Variants in MADD observed in about 807,000 individuals in gnomAD.
MADD encodes the protein MAP kinase activating death domain.
A neutral mutation model predicts 176.7 loss-of-function variants in MADD; 109 were observed. That is an observed-to-expected ratio of 0.62 (90% CI 0.53 to 0.72). MADD has a LOEUF of 0.72. Ranked by LOEUF, MADD falls within the 30% of genes least tolerant of loss-of-function variation. The pLI is 0.00. For missense variants in MADD, 1,914 were observed against 2,045.5 expected, an observed-to-expected ratio of 0.94 and a Z score of 1.24; for synonymous variants, 771 against 771.3, an observed-to-expected ratio of 1.00 and a Z score of 0.01.
chr11:47,294,429 C>T (rs1022239088), intron 20 of MADD, among the ~76,000 whole-genome samples: 12 of 151,418 alleles, frequency 7.9e-5, no homozygotes, highest in South Asian at 2.1e-4. Flanking sequence ...TTTGGGAGGC[C>T]GAGGCAGGTG....
At position 47,325,883 on chromosome 11, in the gene MADD, C is replaced by T. The variant is rs894450605; in HGVS notation, c.4543-855C>T. 6.6e-6 allele frequency among the ~76,000 whole-genome samples: 1 copy of T among 152,214 alleles called. No individual in the cohort carries two copies. The highest frequency in any genetic ancestry group is 1.5e-5 in the Non-Finnish European group (1 of 68,042). On this transcript the variant is annotated intron_variant, in intron 30 of 32. Transcript: ENST00000402192. This position sits in a 1 kb window ranked among gnomAD's most constrained non-coding sequence, Gnocchi z 4.5. The stretch of plus-strand genomic sequence containing the variant: ...GGCTTGGCCCCTAGAAGATAGACTG[C>T]AGAGAAGGGGAGGAAAGCCCGGGTT...
chr11:47,301,677 TTTG>T (rs2140079712), intron 22 of MADD, among the ~76,000 whole-genome samples: 1 of 152,364 alleles, frequency 6.6e-6, no homozygotes, highest in East Asian at 1.9e-4. Flanking sequence ...TCTTAATTTC[TTTG>T]TTGACCCATT....
In MADD at chr11:47,311,685, G is replaced by A. The variant is rs370811356; in HGVS notation, c.3979-47G>A. 6.2e-5 allele frequency: 72 copies of A among 1,166,352 alleles called. 1 individual carries two copies. Among genetic ancestry groups the A allele is most frequent in the Middle Eastern group, 1.9e-4 (1 of 5,174 alleles). 72.3% of individuals were successfully genotyped at this position (1,166,352 alleles called of 1,614,324 possible). On this transcript the variant is annotated intron_variant, in intron 25 of 32. Transcript: ENST00000402192. The stretch of plus-strand genomic sequence containing the variant: ...ACATTCTCTTTTCTCTACCTCAGTC[G>A]GGAGGAGAGCAGATCCCTTGTTAAG...
chr11:47,277,389 T>C (rs900589187), intron 5 of MADD, among the ~76,000 whole-genome samples: 3 of 152,156 alleles, frequency 2.0e-5, no homozygotes, highest in Non-Finnish European at 2.9e-5. Flanking sequence ...GCCTTCCAGG[T>C]TCAAGTGATT....
At chr11:47,290,376 C>A in intron 18 of MADD, 77 bp downstream of exon 19, 1 of 1,540,296 alleles carries the variant, frequency 6.5e-7, no homozygotes, top group South Asian at 1.2e-5. Flanking sequence ...TATATGTGTA[C>A]CCAGGACACG....
intron 1 of MADD, chr11:47,270,512 G>C (rs1960059337): frequency 6.8e-6 from 1 of 147,776 alleles, no homozygotes. Flanking sequence ...CGGGGGCGGG[G>C]GCGGGGGAGA....
intron 16 of MADD, 58 bp from the exon 18 acceptor site, chr11:47,289,809 G>T (rs760327876): frequency 6.3e-7 from 1 of 1,584,132 alleles, no homozygotes; most frequent in Non-Finnish European, 8.6e-7. Flanking sequence ...TGGGTGAAAG[G>T]TGGGGGGTGC....
intron 19 of MADD, 39 bp downstream of exon 21, chr11:47,292,635 A>G (rs368994085): frequency 1.2e-6 from 2 of 1,604,970 alleles, no homozygotes; most frequent in Admixed American, 1.7e-5. Flanking sequence ...CAAGTCCTCC[A>G]TACCTGCCAA....
intron 1 of MADD, chr11:47,272,417 A>G (rs765465550): frequency 1.3e-5 from 2 of 152,230 alleles, no homozygotes; most frequent in Non-Finnish European, 2.9e-5. Flanking sequence ...TTAAGCATCC[A>G]GGGAGTGTGT....
At chr11:47,299,171 T>G (rs1308321443) in intron 22 of MADD, among the ~76,000 whole-genome samples, 1 of 152,188 alleles carries the variant, frequency 6.6e-6, no homozygotes, top group Non-Finnish European at 1.5e-5. Context: ...TGGTTCCATA[T>G]GAATTTTAGG....
intron 22 of MADD, among the ~76,000 whole-genome samples, chr11:47,303,168 A>G (rs2079303895): frequency 6.6e-6 from 1 of 151,700 alleles, no homozygotes; most frequent in African/African-American, 2.4e-5. Context: ...CTGGCTTGTA[A>G]AGTTTCTGCA....
chr11:47,312,466 G>A (rs2090222744), intron 26 of MADD, among the ~76,000 whole-genome samples: 2 of 152,108 alleles, frequency 1.3e-5, no homozygotes, highest in South Asian at 4.1e-4. Context: ...CTCTCTTGTT[G>A]CCCAGACTGG....
chr11:47,276,745 C>A, exon 5 of MADD: 1 of 1,614,146 alleles, frequency 6.2e-7, no homozygotes. Flanking sequence ...GTGCTACAGT[C>A]CCGAGACTAC....
chr11:47,326,399 A>G, intron 30 of MADD, 145 bp from the exon 34 acceptor site: 1 of 364,232 alleles, frequency 2.7e-6, no homozygotes, highest in Non-Finnish European at 4.2e-6. Context: ...CTGAGTGGGG[A>G]CCCCTGGGGC....
At chr11:47,303,843 A>C (rs1489818690) in intron 22 of MADD, among the ~76,000 whole-genome samples, 1 of 146,200 alleles carries the variant, frequency 6.8e-6, no homozygotes, top group Non-Finnish European at 1.5e-5. Flanking sequence ...CCTGACTTCA[A>C]ATGATCTGCC....
In MADD at chr11:47,285,685, G is replaced by A. The variant is rs920350077; in HGVS notation, c.2551+95G>A. The A allele has an allele frequency of 3.9e-6, 6 of 1,550,296 alleles. No homozygotes were observed. The South Asian group carries it at 5.9e-5, about 15-fold the overall frequency. On this transcript the variant is annotated intron_variant, in intron 14 of 32. Coordinates refer to ENST00000402192, the Ensembl canonical transcript of MADD. ...AATGTTGCTTAGAACTTCACATGTA[G>A]GGCTAGGTTGGCATTAGCAAGCCCT...
Position 47,324,838 on chromosome 11 carries a change from C to A in MADD, c.4542+261C>A, listed in dbSNP as rs527629219. 20 of 643,604 alleles carry A rather than the reference C, an allele frequency of 3.1e-5. No homozygotes were observed. In the South Asian group the frequency reaches 3.5e-4, roughly 11 times the overall value. The allele number at this position is 643,604 out of a possible 1,614,324, so 39.9% of individuals were successfully genotyped here. A position where few individuals can be genotyped will look rare whatever the true frequency, so the allele number is the denominator to read the frequency against. On this transcript the variant is annotated intron_variant, in intron 30 of 32. Coordinates refer to ENST00000402192, the Ensembl canonical transcript of MADD. ...GGCCAGGTGGCCACGCTGCCCCATC[C>A]GTTGGACTCCACACAGTGTGAGTGG...
At chr11:47,289,687 G>T (rs2063572986) in intron 16 of MADD, among the ~76,000 whole-genome samples, 180 bp from the exon 18 acceptor site, 1 of 152,194 alleles carries the variant, frequency 6.6e-6, no homozygotes, top group African/African-American at 2.4e-5. Context: ...GGGTTAATCA[G>T]CAGCGGTGGG....
chr11:47,283,997 T>C (rs2058930514), intron 10 of MADD, among the ~76,000 whole-genome samples, 181 bp from the exon 11 acceptor site: 1 of 152,268 alleles, frequency 6.6e-6, no homozygotes, highest in African/African-American at 2.4e-5. Flanking sequence ...CATGGGCCAC[T>C]GTCCCGGCCC....
Sources: allele counts gnomAD v4.1 joint callset (sites outside exome capture counted in the v4.1 genomes callset), GRCh38; gene constraint gnomAD v4.1.1; non-coding constraint Gnocchi (gnomAD v3.1); transcripts MANE v1.5; gene names NCBI Gene and HGNC (gene_info 2026-07-23, HGNC 2026-07-21).